Variants in SMARCC1 observed in about 807,000 individuals in gnomAD.
SMARCC1 encodes the protein SWI/SNF related BAF chromatin remodeling complex subunit C1, also known as SWI/SNF complex subunit SMARCC1.
A neutral mutation model predicts 147.4 loss-of-function variants in SMARCC1; 43 were observed. That is an observed-to-expected ratio of 0.29 (90% CI 0.23 to 0.38). SMARCC1 has a LOEUF of 0.38. Among genes scored for constraint, SMARCC1 ranks in the 10% least tolerant of loss-of-function variants. SMARCC1 has a pLI of 1.00. For synonymous variants in SMARCC1, 495 were observed against 484.4 expected, an observed-to-expected ratio of 1.02 and a Z score of -0.29; for missense variants, 1,119 against 1,381.1, an observed-to-expected ratio of 0.81 and a Z score of 3.01.
chr3:47,781,104 CGTT>C (rs1224345015), intron 1 of SMARCC1, among the ~76,000 whole-genome samples: 1 of 152,120 alleles, frequency 6.6e-6, no homozygotes, highest in East Asian at 1.9e-4. Flanking sequence ...GTAGAACCGT[CGTT>C]AATAGTTCTC....
intron 27 of SMARCC1, among the ~76,000 whole-genome samples, chr3:47,589,653 C>T (rs1267522894): frequency 1.3e-5 from 2 of 152,150 alleles, no homozygotes; most frequent in East Asian, 3.9e-4. Context: ...CTACTTTGTC[C>T]CAGACTCTGG....
intron 2 of SMARCC1, 49 bp downstream of exon 2, chr3:47,772,768 G>T: frequency 6.5e-7 from 1 of 1,535,766 alleles, no homozygotes; most frequent in Non-Finnish European, 8.9e-7. Context: ...ACACCTAAAA[G>T]TATACAGCAA....
At chr3:47,761,499 G>C (rs996268620) in intron 2 of SMARCC1, among the ~76,000 whole-genome samples, 1 of 152,106 alleles carries the variant, frequency 6.6e-6, no homozygotes, top group Non-Finnish European at 1.5e-5. Flanking sequence ...GTATTTGCCA[G>C]GATAAATCCC....
intron 19 of SMARCC1, among the ~76,000 whole-genome samples, chr3:47,667,088 T>G (rs1180009315): frequency 1.3e-5 from 2 of 151,598 alleles, no homozygotes; most frequent in African/African-American, 4.8e-5. Flanking sequence ...GATGCTGAGG[T>G]GGGCCGATCA....
chr3:47,710,540 T>A (rs2034072237), intron 9 of SMARCC1, 143 bp downstream of exon 9: 1 of 767,120 alleles, frequency 1.3e-6, no homozygotes, highest in Non-Finnish European at 2.0e-6. Flanking sequence ...CACTTTGGAA[T>A]TTTCACCTGA....
chr3:47,715,268 T>G (rs1381537190), intron 7 of SMARCC1, among the ~76,000 whole-genome samples: 1 of 152,178 alleles, frequency 6.6e-6, no homozygotes, highest in Admixed American at 6.5e-5. Flanking sequence ...CACATCTCCT[T>G]GTGTAGAACA....
intron 21 of SMARCC1, among the ~76,000 whole-genome samples, chr3:47,648,726 TAG>T (rs2033150277): frequency 6.6e-6 from 1 of 152,110 alleles, no homozygotes; most frequent in South Asian, 2.1e-4. Context: ...CCTTCCTGTG[TAG>T]AGTCTTCCAT....
intron 9 of SMARCC1, among the ~76,000 whole-genome samples, chr3:47,708,430 C>A (rs537287898): frequency 2.0e-5 from 3 of 152,052 alleles, no homozygotes; most frequent in Non-Finnish European, 4.4e-5. Flanking sequence ...CTTTAGCCAC[C>A]ATGCCCAACC....
intron 24 of SMARCC1, among the ~76,000 whole-genome samples, chr3:47,630,515 C>T (rs1017077894): frequency 6.6e-6 from 1 of 152,106 alleles, no homozygotes; most frequent in Non-Finnish European, 1.5e-5. Flanking sequence ...AGGGTTGAGG[C>T]CAATTTTGCA....
rs569865948 is a variant in SMARCC1, at chr3:47,597,578, G to A, written c.3044-6741C>T. Among the ~76,000 whole-genome samples, 11 of 152,122 alleles carry A rather than the reference G, an allele frequency of 7.2e-5. No homozygotes were observed. The South Asian group carries it at 1.0e-3, about 14-fold the overall frequency. ...CCTGACCTCATGATCCGCCTGCCTC[G>A]GCCTCCCAAAGTGCTGGGATTACAG... On this transcript the variant is annotated intron_variant, in intron 26 of 27. Coordinates refer to ENST00000254480, the MANE Select transcript of SMARCC1 (RefSeq NM_003074.4).
chr3:47,629,345 T>C lies in SMARCC1; in HGVS notation c.2646+5845A>G, dbSNP rs151089177. Among the ~76,000 whole-genome samples, 5 of 152,306 alleles carry C rather than the reference T, an allele frequency of 3.3e-5. 1 individual carries two copies. The highest frequency in any genetic ancestry group is 1.2e-4 in the African/African-American group (5 of 41,564). On this transcript the variant is annotated intron_variant, in intron 24 of 27. Coordinates refer to ENST00000254480, the MANE Select transcript of SMARCC1 (RefSeq NM_003074.4). The stretch of plus-strand genomic sequence containing the variant: ...CTCCAACCTCAGCTTGATATCATAA[T>C]GAGATAAAGCCATGAGAGATCTATT...
At chr3:47,659,867 C>T (rs991674187) in intron 21 of SMARCC1, among the ~76,000 whole-genome samples, 1 of 150,436 alleles carries the variant, frequency 6.6e-6, no homozygotes, top group Non-Finnish European at 1.5e-5. Flanking sequence ...AATACAAACC[C>T]CAACATCAAA....
chr3:47,762,062 G>A lies in SMARCC1; in HGVS notation c.315+10755C>T, dbSNP rs116506998. ...CTCCCAAAGTGCTGGGATTACAGGC[G>A]TGAGCTACCATGCCCAGCTTGCTTT... is the stretch of plus-strand genomic sequence containing the variant. On this transcript the variant is annotated intron_variant, in intron 2 of 27. Transcript: ENST00000254480. Among the ~76,000 whole-genome samples the A allele has an allele frequency of 1.4e-3, 207 of 152,256 alleles. 1 individual carries two copies. Among genetic ancestry groups the A allele is most frequent in the African/African-American group, 4.7e-3 (195 of 41,540 alleles).
intron 3 of SMARCC1, among the ~76,000 whole-genome samples, chr3:47,743,914 C>G (rs2034537634): frequency 6.6e-6 from 1 of 152,012 alleles, no homozygotes. Flanking sequence ...GTATTCTATC[C>G]TCAAGTGTCC....
At chr3:47,697,090 G>C (rs888990386) in intron 11 of SMARCC1, among the ~76,000 whole-genome samples, 1 of 152,160 alleles carries the variant, frequency 6.6e-6, no homozygotes, top group African/African-American at 2.4e-5. Context: ...GGAGGCTGAG[G>C]AGGGTAGATT....
Position 47,678,221 on chromosome 3 carries a change from A to G in SMARCC1, c.1548T>C (p.Thr516=), listed in dbSNP as rs769390397. The change falls in exon 16 of 28, where the codon ACT becomes ACC. Residue 516 remains threonine (T), a synonymous_variant. Transcript: ENST00000254480. ...ACCTCATCACAGCACACACATCTCC[A>G]GTCAAGTTCCTCCGACAAGCAGTGC... ...LTSTACRRNL[T]GDVCAVMRVH... is the part of the protein sequence containing the mutation. 2 of 1,605,182 alleles carry G rather than the reference A, an allele frequency of 1.2e-6. No homozygotes were observed. The highest frequency in any genetic ancestry group is 1.7e-6 in the Non-Finnish European group (2 of 1,174,206).
chr3:47,752,770 A>C (rs1489754536), intron 2 of SMARCC1, among the ~76,000 whole-genome samples: 2 of 152,008 alleles, frequency 1.3e-5, no homozygotes, highest in Admixed American at 1.3e-4. Flanking sequence ...AAAAACAAAC[A>C]AAAAAAAGTA....
At chr3:47,683,289 AC>A (rs2033678083) in intron 14 of SMARCC1, among the ~76,000 whole-genome samples, 1 of 151,010 alleles carries the variant, frequency 6.6e-6, no homozygotes, top group African/African-American at 2.4e-5. Flanking sequence ...CTCGTGATCC[AC>A]CCGCCTTGGC....
At chr3:47,608,096 GTAAC>G (rs1455946449) in intron 26 of SMARCC1, among the ~76,000 whole-genome samples, 2 of 152,108 alleles carry the variant, frequency 1.3e-5, no homozygotes, top group Non-Finnish European at 2.9e-5. Context: ...GATTTTCAGG[GTAAC>G]TAACTGAGAC....
Sources: gnomAD v4.1 joint callset for allele counts (sites outside exome capture counted in the v4.1 genomes callset) on GRCh38, gnomAD v4.1.1 for gene constraint, MANE v1.5 for transcripts, NCBI Gene and HGNC (gene_info 2026-07-23, HGNC 2026-07-21) for gene names.